KCMF1: variants seen among roughly 807,000 people sequenced by gnomAD.
KCMF1 encodes the protein potassium channel modulatory factor 1, also known as E3 ubiquitin-protein ligase KCMF1.
KCMF1 carries 3 observed loss-of-function variants against 41.1 expected under a neutral mutation model. That is an observed-to-expected ratio of 0.07 (90% CI 0.03 to 0.19). The LOEUF is 0.19. Ranked by LOEUF, KCMF1 falls within the 10% of genes least tolerant of loss-of-function variation. KCMF1 has a pLI of 1.00. For missense variants in KCMF1, 286 were observed against 488.9 expected (o/e 0.58, Z 3.91); for synonymous variants, 142 against 164.5 (o/e 0.86, Z 1.04).
intron 6 of KCMF1, among the ~76,000 whole-genome samples, chr2:85,050,584 G>T (rs1675783017): frequency 6.6e-6 from 1 of 152,176 alleles, no homozygotes; most frequent in Admixed American, 6.5e-5. Flanking sequence ...GGAATATAAA[G>T]AATTCTTAAA....
intron 1 of KCMF1, among the ~76,000 whole-genome samples, chr2:85,007,066 A>G (rs1273958072): frequency 6.9e-6 from 1 of 145,636 alleles, no homozygotes; most frequent in Non-Finnish European, 1.5e-5. Flanking sequence ...GCACCACTGC[A>G]CTCCAGCCTG....
chr2:84,993,407 C>T (rs769609284), intron 1 of KCMF1, among the ~76,000 whole-genome samples: 3 of 151,932 alleles, frequency 2.0e-5, no homozygotes, highest in Admixed American at 2.0e-4. Context: ...AGAAGATCAC[C>T]GAGGTGATAA....
At chr2:84,996,333 G>C (rs1167463793) in intron 1 of KCMF1, among the ~76,000 whole-genome samples, 1 of 149,402 alleles carries the variant, frequency 6.7e-6, no homozygotes, top group Non-Finnish European at 1.5e-5. Context: ...AGGAAATCAA[G>C]AACCAATATA....
intron 6 of KCMF1, among the ~76,000 whole-genome samples, chr2:85,052,719 G>A (rs1675837354): frequency 6.6e-6 from 1 of 152,122 alleles, no homozygotes; most frequent in African/African-American, 2.4e-5. Context: ...GAAATCTTAG[G>A]ATATTTTTCA....
intron 6 of KCMF1, among the ~76,000 whole-genome samples, chr2:85,050,638 C>G (rs1241110834): frequency 1.3e-5 from 2 of 152,092 alleles, no homozygotes; most frequent in Admixed American, 6.5e-5. Flanking sequence ...GATAATGAAC[C>G]TGGACTAATT....
intron 1 of KCMF1, among the ~76,000 whole-genome samples, chr2:84,984,404 G>A: frequency 6.6e-6 from 1 of 152,038 alleles, no homozygotes; most frequent in Non-Finnish European, 1.5e-5. Context: ...CTTGGCTGTG[G>A]ATTTCTGCTT....
intron 1 of KCMF1, among the ~76,000 whole-genome samples, chr2:84,996,898 G>C (rs866827761): frequency 7.9e-5 from 12 of 152,158 alleles, no homozygotes; most frequent in African/African-American, 2.9e-4. Context: ...TGTACTTACA[G>C]AAACCTAGAC....
intron 3 of KCMF1, among the ~76,000 whole-genome samples, chr2:85,040,750 G>A (rs1393474392): frequency 6.6e-6 from 1 of 151,240 alleles, no homozygotes; most frequent in Non-Finnish European, 1.5e-5. Flanking sequence ...CTAGCCTCTT[G>A]ATTTTCTTTT....
At chr2:85,042,844 C>A (rs1015765653) in intron 3 of KCMF1, among the ~76,000 whole-genome samples, 3 of 152,098 alleles carry the variant, frequency 2.0e-5, no homozygotes, top group African/African-American at 7.2e-5. Flanking sequence ...ACCTGTCACC[C>A]GCTCCCCGAA....
At chr2:85,048,147 A>G (rs1261936163) in intron 5 of KCMF1, among the ~76,000 whole-genome samples, 1 of 152,218 alleles carries the variant, frequency 6.6e-6, no homozygotes, top group Non-Finnish European at 1.5e-5. Flanking sequence ...ACAATTTTAT[A>G]CCTATCATGT....
intron 1 of KCMF1, among the ~76,000 whole-genome samples, chr2:84,990,662 A>G (rs941221208): frequency 6.6e-6 from 1 of 152,044 alleles, no homozygotes; most frequent in Non-Finnish European, 1.5e-5. Context: ...TAAAAAAAAA[A>G]AAATTGCATA....
At chr2:85,046,769 A>G (rs779367595) in intron 5 of KCMF1, among the ~76,000 whole-genome samples, 1 of 152,174 alleles carries the variant, frequency 6.6e-6, no homozygotes, top group Non-Finnish European at 1.5e-5. Flanking sequence ...ACATAAAGTA[A>G]TTCATACTCT....
chr2:85,058,114 G>GT lies in KCMF1; in HGVS notation c.*4706dup, dbSNP rs1397472219. On this transcript the variant is annotated 3_prime_UTR_variant, in exon 7 of 7. Transcript: ENST00000409785. Reference sequence around the variant, plus strand: ...TTTGAAAACCCATGTGGGGCCGGGTGTGGTGGCTCACGCCTGTAATCCCAG... The same window carrying GT: ...TTTGAAAACCCATGTGGGGCCGGGTGTTGGTGGCTCACGCCTGTAATCCCAG... 3 of 152,626 alleles carry GT rather than the reference G, an allele frequency of 2.0e-5. No individual in the cohort carries two copies. Among genetic ancestry groups the GT allele is most frequent in the Non-Finnish European group, 4.4e-5 (3 of 68,458 alleles). The allele number at this position is 152,626 out of a possible 1,614,324, so 9.5% of individuals were successfully genotyped here.
At position 84,971,447 on chromosome 2, in the gene KCMF1, C is replaced by A; in HGVS notation, c.-5C>A. On this transcript the variant is annotated 5_prime_UTR_variant, in exon 1 of 7. Transcript: ENST00000409785. Reference sequence around the variant, plus strand: ...AGGGGCCGCGCCGCCACCGTCTGAACTAGGATGTCCCGACATGAAGGTGAG... The same window carrying A: ...AGGGGCCGCGCCGCCACCGTCTGAAATAGGATGTCCCGACATGAAGGTGAG... 1 of 1,281,862 alleles carries A rather than the reference C, an allele frequency of 7.8e-7. No homozygotes were observed. The allele number at this position is 1,281,862 out of a possible 1,614,324, so 79.4% of individuals were successfully genotyped here. A position where few individuals can be genotyped will look rare whatever the true frequency, so the allele number is the denominator to read the frequency against.
chr2:85,042,150 G>A (rs762069419), intron 3 of KCMF1, among the ~76,000 whole-genome samples: 1 of 152,134 alleles, frequency 6.6e-6, no homozygotes, highest in African/African-American at 2.4e-5. Flanking sequence ...TCTGCACACT[G>A]TCATGCTTAA....
intron 6 of KCMF1, among the ~76,000 whole-genome samples, chr2:85,050,341 G>A (rs77681190): frequency 0.024 from 3,694 of 151,946 alleles, 58 homozygotes; most frequent in Non-Finnish European, 0.036. Flanking sequence ...AGTATAAGAA[G>A]GATTTCATAA....
At chr2:85,014,942 T>C (rs937725785) in intron 1 of KCMF1, among the ~76,000 whole-genome samples, 1 of 151,880 alleles carries the variant, frequency 6.6e-6, no homozygotes, top group Non-Finnish European at 1.5e-5. Flanking sequence ...ACCTGGTGGC[T>C]TACTCCTAGA....
intron 1 of KCMF1, among the ~76,000 whole-genome samples, chr2:85,002,963 G>A (rs185572145): frequency 6.6e-6 from 1 of 152,220 alleles, no homozygotes; most frequent in East Asian, 1.9e-4. Context: ...CATATGGTCT[G>A]GCAGAGTAAA....
intron 3 of KCMF1, among the ~76,000 whole-genome samples, chr2:85,041,011 C>T (rs1314873941): frequency 6.6e-6 from 1 of 152,148 alleles, no homozygotes; most frequent in Non-Finnish European, 1.5e-5. Flanking sequence ...CCACCCACCT[C>T]AGCCTTCCAA....
Sources: gnomAD v4.1 joint callset for allele counts (sites outside exome capture counted in the v4.1 genomes callset) on GRCh38, gnomAD v4.1.1 for gene constraint, MANE v1.5 for transcripts, NCBI Gene and HGNC (gene_info 2026-07-23, HGNC 2026-07-21) for gene names.